Variants in ANKS3 observed in about 807,000 individuals in gnomAD.
ANKS3 encodes ankyrin repeat and sterile alpha motif domain containing 3.
A neutral mutation model predicts 80.7 loss-of-function variants in ANKS3; 62 were observed. That is an observed-to-expected ratio of 0.77 (90% CI 0.63 to 0.95). The LOEUF is 0.95. Among genes scored for constraint, ANKS3 ranks in the 40% least tolerant of loss-of-function variants. The pLI is 0.00. For synonymous variants in ANKS3, 489 were observed against 355.3 expected, an observed-to-expected ratio of 1.38 and a Z score of -4.23; for missense variants, 1,150 against 883.6, an observed-to-expected ratio of 1.30 and a Z score of -3.82.
rs942646086 is a variant in ANKS3, at chr16:4,724,749, C to T, written c.573+1G>A. ...ACATGCTAATAATCAGGGTCACTTA[C>T]GTGATTCAGAAAATACTGCACGATT... On this transcript the variant is annotated splice_donor_variant, in intron 6 of 17. Transcript: ENST00000304283. LOFTEE classifies it high-confidence loss of function. The T allele has an allele frequency of 3.1e-6, 5 of 1,612,314 alleles. No individual in the cohort carries two copies. The highest frequency in any genetic ancestry group is 1.1e-5 in the South Asian group (1 of 90,742).
chr16:4,727,249 G>A, intron 3 of ANKS3, 72 bp from the exon 4 acceptor site: 1 of 1,502,704 alleles, frequency 6.7e-7, no homozygotes, highest in South Asian at 1.1e-5. Flanking sequence ...CTGGTGGCGA[G>A]GCTAGGCCAG....
chr16:4,705,146 C>T lies in ANKS3; in HGVS notation c.817G>A (p.Ala273Thr). ...CCCAGGCCAATGCCTGTGATCCTGGCCAGGGCTCGCGGTCCCTCGTGGATG... is the reference window on the plus strand; with the variant it reads ...CCCAGGCCAATGCCTGTGATCCTGGTCAGGGCTCGCGGTCCCTCGTGGATG... ...VSIHEGPRALARITGIGLGGR... is the reference protein window; with the variant it reads ...VSIHEGPRALTRITGIGLGGR... The change falls in exon 8 of 18, where the codon GCC becomes ACC. Residue 273 changes from alanine (A) to threonine (T), a missense_variant. Physicochemically the swap from Ala to Thr is moderately conservative, Grantham distance 58. Transcript: ENST00000304283. 1 of 1,613,594 alleles carries T rather than the reference C, an allele frequency of 6.2e-7. No homozygotes were observed. Among genetic ancestry groups the T allele is most frequent in the Non-Finnish European group, 8.5e-7 (1 of 1,180,042 alleles).
rs762266842 is a variant in ANKS3 at position 4,698,619 on chromosome 16, G to A, written c.1552-20C>T. On this transcript the variant is annotated intron_variant, in intron 13 of 17. Coordinates refer to ENST00000304283, the MANE Select transcript of ANKS3 (RefSeq NM_133450.4). Reference sequence around the variant, plus strand: ...GCAGCGCTGCAGGGGGGTGGGGGGCGCGGGGAGGCTGGGAGGTGGCCGGTC... The same window carrying A: ...GCAGCGCTGCAGGGGGGTGGGGGGCACGGGGAGGCTGGGAGGTGGCCGGTC... The A allele has an allele frequency of 9.1e-6, 14 of 1,540,358 alleles. No individual in the cohort carries two copies. Among genetic ancestry groups the A allele is most frequent in the East Asian group, 4.5e-5 (2 of 44,244 alleles).
In ANKS3 at chr16:4,724,790, G is replaced by C; in HGVS notation, c.533C>G (p.Ala178Gly). Residue 178 changes from alanine to glycine, a missense_variant, in exon 6 of 18, where the codon GCT becomes GGT. Physicochemically the swap from Ala to Gly is moderately conservative, Grantham distance 60. Coordinates refer to ENST00000304283, the MANE Select transcript of ANKS3 (RefSeq NM_133450.4). ...CTGCACGATTATCTCATGGCCAGCAGCAGCTGCTTCCATCAAGGGAGTAAA... is the reference window on the plus strand; with the variant it reads ...CTGCACGATTATCTCATGGCCAGCACCAGCTGCTTCCATCAAGGGAGTAAA... The part of the protein sequence containing the change: ...CGFTPLMEAA[A>G]AGHEIIVQYF... 6.2e-7 allele frequency: 1 copy of C among 1,614,096 alleles called. No homozygotes were observed. Among genetic ancestry groups the C allele is most frequent in the Non-Finnish European group, 8.5e-7 (1 of 1,180,000 alleles).
intron 8 of ANKS3, among the ~76,000 whole-genome samples, chr16:4,703,256 G>A (rs1192064647): frequency 6.6e-6 from 1 of 152,092 alleles, no homozygotes; most frequent in Non-Finnish European, 1.5e-5. Flanking sequence ...GGGGCTACAG[G>A]CATGGGCCAC....
chr16:4,718,506 T>C (rs1360313104), intron 6 of ANKS3, among the ~76,000 whole-genome samples: 1 of 152,074 alleles, frequency 6.6e-6, no homozygotes, highest in Non-Finnish European at 1.5e-5. Context: ...AGCCCTTTCC[T>C]CCCCTAGCAA....
chr16:4,713,923 G>A, intron 7 of ANKS3, 128 bp downstream of exon 7: 1 of 1,312,476 alleles, frequency 7.6e-7, no homozygotes, highest in Admixed American at 2.5e-5. Context: ...TAAGCAGCTG[G>A]GGGAGGCAGA....
At position 4,705,225 on chromosome 16, in the gene ANKS3, G is replaced by T; in HGVS notation, c.738C>A (p.Asp246Glu). 1 of 1,614,016 alleles carries T rather than the reference G, an allele frequency of 6.2e-7. No homozygotes were observed. The highest frequency in any genetic ancestry group is 8.5e-7 in the Non-Finnish European group (1 of 1,180,032). The change falls in exon 8 of 18, where the codon GAC (aspartate) becomes GAA (glutamate). Residue 246 changes from aspartate to glutamate, a missense_variant. Physicochemically the swap from Asp to Glu is conservative, Grantham distance 45 (BLOSUM62 2). Coordinates refer to ENST00000304283, the MANE Select transcript of ANKS3 (RefSeq NM_133450.4). Reference sequence around the variant, plus strand: ...GTCTCTGAGGAGCAGGGCAGGACTCGTCAGAAGAGCTCAGATCTTCGTACT... The same window carrying T: ...GTCTCTGAGGAGCAGGGCAGGACTCTTCAGAAGAGCTCAGATCTTCGTACT... Reference protein sequence around the residue: ...PEKYEDLSSSDESCPAPQRQR... With the variant: ...PEKYEDLSSSEESCPAPQRQR...
chr16:4,702,063 T>TG (rs1202850056), intron 9 of ANKS3, 39 bp downstream of exon 9: 1 of 1,540,184 alleles, frequency 6.5e-7, no homozygotes, highest in Non-Finnish European at 8.7e-7. Context: ...CTCCAGGACC[T>TG]GCCTGAGCCA....
chr16:4,698,250 A>C (rs2079689157), intron 14 of ANKS3, 177 bp downstream of exon 14: 3 of 1,147,792 alleles, frequency 2.6e-6, no homozygotes, highest in Non-Finnish European at 3.6e-6. Context: ...CCCGGACCCA[A>C]CTCCTGCCTG....
At position 4,714,069 on chromosome 16, in the gene ANKS3, T is replaced by C. The variant is rs757444858; in HGVS notation, c.691A>G (p.Ser231Gly). 2 of 1,614,006 alleles carry C rather than the reference T, an allele frequency of 1.2e-6. No homozygotes were observed. Among genetic ancestry groups the C allele is most frequent in the Non-Finnish European group, 1.7e-6 (2 of 1,180,014 alleles). Residue 231 changes from serine to glycine, a missense_variant, in exon 7 of 18, where the codon AGC (serine) becomes GGC (glycine). Transcript: ENST00000304283. ...MDTYSPSLPK[S>G]LYRSPEKYED... ...TGGGTACCTGGGCTCCGATAGAGGC[T>C]CTTGGGCAGAGAGGGCGAGTAAGTG... is the stretch of plus-strand genomic sequence containing the variant.
chr16:4,698,097 G>C, intron 14 of ANKS3, 35 bp from the exon 15 acceptor site: 1 of 1,566,496 alleles, frequency 6.4e-7, no homozygotes, highest in Non-Finnish European at 8.7e-7. Context: ...GGTGAGAGCA[G>C]AGGCCTGGCC....
intron 6 of ANKS3, among the ~76,000 whole-genome samples, chr16:4,715,203 G>A (rs1268021508): frequency 6.6e-6 from 1 of 151,924 alleles, no homozygotes; most frequent in Admixed American, 6.6e-5. Context: ...GCATTTGACA[G>A]GCCAAGGCAG....
chr16:4,721,949 CACCAATATAGAAAAA>C (rs1366189108), intron 6 of ANKS3, among the ~76,000 whole-genome samples: 1 of 151,222 alleles, frequency 6.6e-6, no homozygotes, highest in Non-Finnish European at 1.5e-5. Flanking sequence ...TCTCTTTATA[CACCAATATAGAAAAA>C]TCTTCATGAT....
chr16:4,714,990 C>CAAA lies in ANKS3; in HGVS notation c.574-807_574-805dup, dbSNP rs753327026. Among the ~76,000 whole-genome samples the CAAA allele has an allele frequency of 9.0e-3, 329 of 36,390 alleles. 27 individuals are homozygous for CAAA. The highest frequency in any genetic ancestry group is 0.028 in the Middle Eastern group (1 of 36). 23.9% of individuals were successfully genotyped at this position (36,390 alleles called of 152,430 possible). ...CTGAAGACAGAGTGAGACTCTGTCT[C>CAAA]AAAAAAAAAAAAAAAAAAAAAAAAA... is the stretch of plus-strand genomic sequence containing the variant. On this transcript the variant is annotated intron_variant, in intron 6 of 17. Coordinates refer to ENST00000304283, the MANE Select transcript of ANKS3 (RefSeq NM_133450.4).
chr16:4,716,548 G>A (rs2080807425), intron 6 of ANKS3, among the ~76,000 whole-genome samples: 1 of 152,056 alleles, frequency 6.6e-6, no homozygotes, highest in South Asian at 2.1e-4. Context: ...AGTATAAGGA[G>A]TTTTACTTTC....
At chr16:4,721,625 GATTTATTTATTT>G (rs55661418) in intron 6 of ANKS3, among the ~76,000 whole-genome samples, 8 of 145,402 alleles carry the variant, frequency 5.5e-5, no homozygotes, top group African/African-American at 7.6e-5. Context: ...TTGATTTATT[GATTTATTTATTT>G]ATTTATTTAT....
rs534487453 is a variant in ANKS3 at position 4,717,388 on chromosome 16, G to C, written c.574-3202C>G. ...ACAACCAGCCTGGTCAGGAGTTTGA[G>C]ACCAGCCTGTATCTACTAAAAACAC... On this transcript the variant is annotated intron_variant, in intron 6 of 17. Transcript: ENST00000304283. 294 of 152,146 alleles carry C rather than the reference G, an allele frequency of 1.9e-3. 5 individuals carry two copies. The highest frequency in any genetic ancestry group is 0.01 in the Middle Eastern group (3 of 294). 9.4% of individuals were successfully genotyped at this position (152,146 alleles called of 1,614,324 possible). A position where few individuals can be genotyped will look rare whatever the true frequency, so the allele number is the denominator to read the frequency against.
At chr16:4,726,822 C>T in intron 4 of ANKS3, 42 bp from the exon 5 acceptor site, 1 of 1,603,820 alleles carries the variant, frequency 6.2e-7, no homozygotes, top group Non-Finnish European at 8.5e-7. Flanking sequence ...CTCATCTCCT[C>T]TGCGTGGGGC....
Sources: allele counts gnomAD v4.1 joint callset (sites outside exome capture counted in the v4.1 genomes callset), GRCh38; gene constraint gnomAD v4.1.1; transcripts MANE v1.5; gene names NCBI Gene and HGNC (gene_info 2026-07-23, HGNC 2026-07-21).